DAPK1: variants seen among roughly 807,000 people sequenced by gnomAD.
DAPK1 encodes the protein death associated protein kinase 1.
DAPK1 carries 56 observed loss-of-function variants against 144.9 expected under a neutral mutation model. The ratio of observed to expected loss-of-function variants is 0.39; its 90% CI spans 0.31 to 0.48. The LOEUF is 0.48. DAPK1 is among the 20% of genes least tolerant of loss of function. The pLI, the probability that DAPK1 is intolerant of heterozygous loss-of-function variation, is 0.95. For missense variants in DAPK1, 1,454 were observed against 1,875.4 expected (o/e 0.78, Z 4.15); for synonymous variants, 690 against 749.0 (o/e 0.92, Z 1.29).
At chr9:87,660,039 C>CG (rs746401063) in intron 18 of DAPK1, among the ~76,000 whole-genome samples, 4 of 152,254 alleles carry the variant, frequency 2.6e-5, no homozygotes, top group South Asian at 4.1e-4. Context: ...GGCGCCCCTG[C>CG]GGGAGGCATT....
In DAPK1 at chr9:87,707,534, C is replaced by G. The variant is rs544298485; in HGVS notation, c.*170C>G. 1.8e-5 allele frequency: 11 copies of G among 598,788 alleles called. No individual in the cohort carries two copies. Among genetic ancestry groups the G allele is most frequent in the South Asian group, 1.2e-4 (6 of 49,088 alleles). 37.1% of individuals were successfully genotyped at this position (598,788 alleles called of 1,614,324 possible). ...GTTTCTCTGCCGCTACCTCCCTCCC[C>G]GTCTCATTCCGTTGTCTGTGGATGG... On this transcript the variant is annotated 3_prime_UTR_variant, in exon 26 of 26. Coordinates refer to ENST00000408954, the MANE Select transcript of DAPK1 (RefSeq NM_004938.4). The surrounding 1 kb of genome is among the most constrained non-coding windows in gnomAD (Gnocchi z 4.0).
At position 87,653,914 on chromosome 9, in the gene DAPK1, G is replaced by A. The variant is rs889266601; in HGVS notation, c.1824+2190G>A. ...TCACCATGTTGGCCAGGCTGGTCTC[G>A]AACTCCTGACCTCAAGTGATCTGCC... On this transcript the variant is annotated intron_variant, in intron 17 of 25. Transcript: ENST00000408954. 5.3e-5 allele frequency among the ~76,000 whole-genome samples: 8 copies of A among 152,116 alleles called. No homozygotes were observed. The East Asian group carries it at 7.7e-4, about 15-fold the overall frequency.
intron 23 of DAPK1, among the ~76,000 whole-genome samples, chr9:87,699,837 G>A (rs189041979): frequency 1.1e-4 from 17 of 152,230 alleles, no homozygotes; most frequent in Admixed American, 1.1e-3. Flanking sequence ...TCCTGCCTCG[G>A]GAGAAGCTGA....
Position 87,516,262 on chromosome 9 carries a change from G to A in DAPK1, c.62+17123G>A, listed in dbSNP as rs36229272. Among the ~76,000 whole-genome samples the A allele has an allele frequency of 2.0e-4, 30 of 152,206 alleles. No individual in the cohort carries two copies. In the East Asian group the frequency reaches 3.1e-3, roughly 16 times the overall value. ...CCAGATCCTCTTGCACACTGCCAGC[G>A]TTGCAGCATCCATACTGTTGGGGCT... On this transcript the variant is annotated intron_variant, in intron 2 of 25. Coordinates refer to ENST00000408954, the MANE Select transcript of DAPK1 (RefSeq NM_004938.4).
Position 87,681,481 on chromosome 9 carries a change from T to C in DAPK1, c.2079T>C (p.Phe693=). Residue 693 remains phenylalanine, a synonymous_variant, in exon 20 of 26, where the codon TTT becomes TTC. Coordinates refer to ENST00000408954, the MANE Select transcript of DAPK1 (RefSeq NM_004938.4). ...NLQPRIKLKL[F]GHSGSGKTTL... Reference sequence around the variant, plus strand: ...AGCCAAGAATTAAGCTCAAGCTGTTTGGCCACTCGGGATCCGGGAAAACCA... The same window carrying C: ...AGCCAAGAATTAAGCTCAAGCTGTTCGGCCACTCGGGATCCGGGAAAACCA... The C allele has an allele frequency of 1.2e-6, 2 of 1,613,704 alleles. No individual in the cohort carries two copies. Among genetic ancestry groups the C allele is most frequent in the Non-Finnish European group, 1.7e-6 (2 of 1,179,654 alleles).
intron 2 of DAPK1, among the ~76,000 whole-genome samples, chr9:87,599,447 G>C (rs1007357622): frequency 3.3e-5 from 5 of 152,190 alleles, no homozygotes; most frequent in Admixed American, 6.5e-5. Context: ...ATGTCAGCCT[G>C]TTCTTTATGA....
Position 87,697,001 on chromosome 9 carries a change from C to CTGTAGGAGTTGGCGATTTCAGCG in DAPK1, c.2414-2_2434dup. On this transcript the variant is annotated splice_polypyrimidine_tract_variant and splice_region_variant and intron_variant, in intron 21 of 25. Transcript: ENST00000408954. ...CACGATTGTTATCATTTTTCTTTTT[C>CTGTAGGAGTTGGCGATTTCAGCG]TGTAGGAGTTGGCGATTTCAGCGTG... The CTGTAGGAGTTGGCGATTTCAGCG allele has an allele frequency of 6.8e-7, 1 of 1,464,228 alleles. No homozygotes were observed. Among genetic ancestry groups the CTGTAGGAGTTGGCGATTTCAGCG allele is most frequent in the East Asian group, 2.3e-5 (1 of 44,202 alleles). 90.7% of individuals were successfully genotyped at this position (1,464,228 alleles called of 1,614,324 possible).
rs1016189164 is a variant in DAPK1 at position 87,706,099 on chromosome 9, C to T, written c.3061-33C>T. The T allele has an allele frequency of 5.8e-6, 9 of 1,543,216 alleles. No individual in the cohort carries two copies. In the East Asian group the frequency reaches 6.8e-5, roughly 12 times the overall value. The stretch of plus-strand genomic sequence containing the variant: ...CTGGTGCACCTGGCCAGGGCTCTGT[C>T]CCTAAGCGTGACTTTCTGTTGTCCC... On this transcript the variant is annotated intron_variant, in intron 25 of 25. Coordinates refer to ENST00000408954, the MANE Select transcript of DAPK1 (RefSeq NM_004938.4). The surrounding 1 kb of genome is among the most constrained non-coding windows in gnomAD (Gnocchi z 9.0).
chr9:87,640,897 T>A, intron 9 of DAPK1, 50 bp downstream of exon 9: 1 of 1,558,586 alleles, frequency 6.4e-7, no homozygotes, highest in Non-Finnish European at 8.9e-7. Context: ...TGTGATTGGT[T>A]TGGGCACCCT....
At chr9:87,640,020 A>G (rs149965562) in intron 7 of DAPK1, among the ~76,000 whole-genome samples, 1 of 152,352 alleles carries the variant, frequency 6.6e-6, no homozygotes, top group African/African-American at 2.4e-5. Context: ...AAACTGTAGC[A>G]TAATCACTGA....
At chr9:87,660,105 T>G (rs3118844) in intron 18 of DAPK1, among the ~76,000 whole-genome samples, 87,604 of 152,070 alleles carry the variant, frequency 0.58, 25,691 homozygotes, top group South Asian at 0.71. Flanking sequence ...CGGGAGGATC[T>G]CCCTGCCCTG....
intron 19 of DAPK1, among the ~76,000 whole-genome samples, chr9:87,673,102 A>G (rs964111067): frequency 9.9e-5 from 15 of 152,162 alleles, no homozygotes; most frequent in Admixed American, 8.5e-4. Context: ...CTGTCCTTGC[A>G]GGATGTTTCT....
intron 2 of DAPK1, among the ~76,000 whole-genome samples, chr9:87,604,625 G>A (rs1347928981): frequency 1.3e-5 from 2 of 152,154 alleles, no homozygotes; most frequent in South Asian, 2.1e-4. Context: ...AAAAGAGTTT[G>A]CTGGAAGTGA....
At position 87,650,071 on chromosome 9, in the gene DAPK1, G is replaced by A. The variant is rs774548939; in HGVS notation, c.1579G>A (p.Val527Met). The A allele has an allele frequency of 1.5e-5, 25 of 1,613,994 alleles. No individual in the cohort carries two copies. The Admixed American group carries it at 1.7e-4, about 11-fold the overall frequency. ...CTCTGCCAGGGGCTACCACGACATCGTGGAGTGTCTGGCCGAACATGGAGC... is the reference window on the plus strand; with the variant it reads ...CTCTGCCAGGGGCTACCACGACATCATGGAGTGTCTGGCCGAACATGGAGC... ...TASARGYHDI[V>M]ECLAEHGADL... Residue 527 changes from valine (V) to methionine (M), a missense_variant, in exon 16 of 26, where the codon GTG becomes ATG. Transcript: ENST00000408954.
intron 19 of DAPK1, among the ~76,000 whole-genome samples, chr9:87,674,357 T>C (rs984877653): frequency 3.3e-5 from 5 of 151,382 alleles, no homozygotes; most frequent in Non-Finnish European, 7.4e-5. Flanking sequence ...AAATTAAAAT[T>C]AAAATAAATT....
intron 20 of DAPK1, among the ~76,000 whole-genome samples, chr9:87,683,011 A>G (rs1460681630): frequency 6.6e-6 from 1 of 152,158 alleles, no homozygotes; most frequent in African/African-American, 2.4e-5. Context: ...AAAAAATTTA[A>G]AAGTAGATAA....
intron 19 of DAPK1, among the ~76,000 whole-genome samples, chr9:87,678,467 C>A (rs1331316815): frequency 6.6e-6 from 1 of 152,232 alleles, no homozygotes; most frequent in Non-Finnish European, 1.5e-5. Flanking sequence ...GCTGGGATGG[C>A]AGCTCCAGCA....
chr9:87,697,905 G>C (rs1182930217), intron 22 of DAPK1, among the ~76,000 whole-genome samples: 1 of 152,228 alleles, frequency 6.6e-6, no homozygotes, highest in African/African-American at 2.4e-5. Context: ...AGTGAGCCAA[G>C]ATCGTGCCAC....
intron 19 of DAPK1, among the ~76,000 whole-genome samples, chr9:87,674,334 A>C (rs1370348035): frequency 6.6e-6 from 1 of 151,954 alleles, no homozygotes; most frequent in East Asian, 1.9e-4. Context: ...CCCCGTCTCT[A>C]CAAAAAAAAT....
Sources: gnomAD v4.1 joint callset for allele counts (sites outside exome capture counted in the v4.1 genomes callset) on GRCh38, gnomAD v4.1.1 for gene constraint, Gnocchi (gnomAD v3.1) non-coding constraint, MANE v1.5 for transcripts, NCBI Gene and HGNC (gene_info 2026-07-23, HGNC 2026-07-21) for gene names.